The following HEATR5B variants were observed in gnomAD, a reference collection of about 807,000 sequenced individuals.
The protein encoded by HEATR5B is HEAT repeat containing 5B, also known as HEAT repeat-containing protein 5B.
In HEATR5B, 156 loss-of-function variants were observed where a neutral mutation model predicts 224.1. The observed-to-expected ratio is 0.70, with a 90% CI of 0.61 to 0.80. The LOEUF (loss-of-function observed/expected upper bound fraction) is 0.80, where lower values mean the gene tolerates loss of function less well. Among genes scored for constraint, HEATR5B ranks in the 30% least tolerant of loss-of-function variants. The pLI is 0.00. For synonymous variants in HEATR5B, 1,027 were observed against 893.0 expected, an observed-to-expected ratio of 1.15 and a Z score of -2.68; for missense variants, 2,323 against 2,535.5, an observed-to-expected ratio of 0.92 and a Z score of 1.80.
At chr2:37,081,473 T>G (rs1360759255) in intron 2 of HEATR5B, among the ~76,000 whole-genome samples, 1 of 152,162 alleles carries the variant, frequency 6.6e-6, no homozygotes, top group Non-Finnish European at 1.5e-5. Context: ...AACACAGTAT[T>G]TGGAAACCAA....
intron 33 of HEATR5B, among the ~76,000 whole-genome samples, chr2:36,993,293 T>A (rs763856874): frequency 1.7e-4 from 26 of 151,752 alleles, no homozygotes; most frequent in Admixed American, 5.9e-4. Flanking sequence ...TCCCAACACT[T>A]TGGGAGGCCG....
chr2:36,999,074 G>A (rs552238201), intron 33 of HEATR5B, among the ~76,000 whole-genome samples: 13 of 151,858 alleles, frequency 8.6e-5, no homozygotes, highest in East Asian at 2.0e-4. Context: ...TTAGCTGGGC[G>A]TGGTGGTGCG....
At chr2:37,053,680 G>T in intron 16 of HEATR5B, 73 bp from the exon 17 acceptor site, 1 of 807,226 alleles carries the variant, frequency 1.2e-6, no homozygotes, top group East Asian at 2.7e-5. Context: ...CGGATAAGAA[G>T]AGTACAAGTT....
In HEATR5B at chr2:37,083,777, C is replaced by T. The variant is rs145025115; in HGVS notation, c.-22-341G>A. On this transcript the variant is annotated intron_variant, in intron 1 of 35. Coordinates refer to ENST00000233099, the MANE Select transcript of HEATR5B (RefSeq NM_019024.3). The stretch of plus-strand genomic sequence containing the variant: ...AAACTGAAGCACTAAGATCAAACAC[C>T]CCAGCCGGGCTTGACAACCATCCTC... 3.2e-4 allele frequency among the ~76,000 whole-genome samples: 48 copies of T among 152,320 alleles called. 1 individual carries two copies. The highest frequency in any genetic ancestry group is 9.8e-4 in the Admixed American group (15 of 15,302).
chr2:37,035,708 T>G (rs1362253982), intron 21 of HEATR5B, among the ~76,000 whole-genome samples: 1 of 152,182 alleles, frequency 6.6e-6, no homozygotes, highest in Non-Finnish European at 1.5e-5. Context: ...AATTTTCAAG[T>G]TGGGTTCCTC....
At chr2:37,041,375 G>C (rs1669860358) in intron 18 of HEATR5B, 83 bp from the exon 19 acceptor site, 1 of 1,240,576 alleles carries the variant, frequency 8.1e-7, no homozygotes, top group Admixed American at 1.9e-5. Flanking sequence ...CAAAAACTGG[G>C]ATTTATTGGG....
intron 30 of HEATR5B, 142 bp downstream of exon 30, chr2:37,005,490 G>A: frequency 1.3e-6 from 1 of 748,604 alleles, no homozygotes; most frequent in Non-Finnish European, 2.2e-6. Flanking sequence ...AAAGTAACTG[G>A]GTGAATAAAT....
intron 27 of HEATR5B, 72 bp downstream of exon 27, chr2:37,013,769 C>G: frequency 7.5e-7 from 1 of 1,341,086 alleles, no homozygotes; most frequent in East Asian, 2.5e-5. Context: ...TTTTTACCAA[C>G]AAGAGTAGAG....
In HEATR5B at chr2:37,068,895, C is replaced by T. The variant is rs764854798; in HGVS notation, c.963G>A (p.Gln321=). 3 of 1,614,138 alleles carry T rather than the reference C, an allele frequency of 1.9e-6. No individual in the cohort carries two copies. Among genetic ancestry groups the T allele is most frequent in the South Asian group, 1.1e-5 (1 of 91,088 alleles). ...ACGTGGCAAAGCTGCGCTCCAACCA[C>T]TGACCACCCAATGTTGTCACAAAAA... ...YVVFVTTLGG[Q]WLERSFATFL... is the part of the protein sequence containing the mutation. The change falls in exon 8 of 36, where the codon CAG becomes CAA. Residue 321 remains glutamine (Q), a synonymous_variant. Transcript: ENST00000233099.
intron 22 of HEATR5B, among the ~76,000 whole-genome samples, chr2:37,029,905 C>T (rs868126640): frequency 6.6e-6 from 1 of 150,826 alleles, no homozygotes; most frequent in African/African-American, 2.4e-5. Context: ...TGCCACTACA[C>T]TCCAGCTGGG....
intron 9 of HEATR5B, 68 bp from the exon 10 acceptor site, chr2:37,065,058 T>C (rs979327823): frequency 6.8e-7 from 1 of 1,470,148 alleles, no homozygotes; most frequent in Non-Finnish European, 9.3e-7. Context: ...TCAAATACTA[T>C]CTAAAAAACA....
chr2:37,083,942 G>C (rs1672800552), intron 1 of HEATR5B, among the ~76,000 whole-genome samples: 1 of 152,188 alleles, frequency 6.6e-6, no homozygotes, highest in Non-Finnish European at 1.5e-5. Context: ...CGGATGGGTG[G>C]GGCGGCCAGG....
At chr2:37,064,473 T>C (rs1208779636) in intron 10 of HEATR5B, among the ~76,000 whole-genome samples, 1 of 151,892 alleles carries the variant, frequency 6.6e-6, no homozygotes, top group Non-Finnish European at 1.5e-5. Flanking sequence ...GGGGTCTCAC[T>C]ATGTTGCCTA....
intron 28 of HEATR5B, among the ~76,000 whole-genome samples, chr2:37,007,613 G>A (rs1667514071): frequency 6.6e-6 from 1 of 152,076 alleles, no homozygotes; most frequent in Non-Finnish European, 1.5e-5. Context: ...GGGATTACAG[G>A]CATGTGCCAC....
intron 33 of HEATR5B, among the ~76,000 whole-genome samples, chr2:36,994,403 T>G (rs991857831): frequency 1.3e-5 from 2 of 152,240 alleles, no homozygotes; most frequent in African/African-American, 2.4e-5. Flanking sequence ...CATATCCTTT[T>G]TAAAGTGAAA....
chr2:37,043,172 T>C (rs935397493), intron 18 of HEATR5B, among the ~76,000 whole-genome samples: 2 of 152,192 alleles, frequency 1.3e-5, no homozygotes, highest in African/African-American at 2.4e-5. Flanking sequence ...GAGCTTTCAA[T>C]GGTAATTTTA....
At chr2:36,989,634 TG>T (rs1478062749) in intron 34 of HEATR5B, among the ~76,000 whole-genome samples, 1 of 152,156 alleles carries the variant, frequency 6.6e-6, no homozygotes, top group Non-Finnish European at 1.5e-5. Flanking sequence ...AAAGTCTTAC[TG>T]GCTCCACTTT....
intron 27 of HEATR5B, 70 bp from the exon 28 acceptor site, chr2:37,008,918 T>C (rs1667606143): frequency 2.0e-6 from 2 of 989,996 alleles, no homozygotes; most frequent in East Asian, 4.8e-5. Context: ...TACGTTATTA[T>C]AAAAATACAG....
At chr2:37,083,232 C>T (rs1672728188) in intron 2 of HEATR5B, 57 bp downstream of exon 2, 1 of 1,594,896 alleles carries the variant, frequency 6.3e-7, no homozygotes, top group Admixed American at 1.7e-5. Flanking sequence ...TCTTAAGAAT[C>T]ATGACCACAT....
Sources: gnomAD v4.1 joint callset for allele counts (sites outside exome capture counted in the v4.1 genomes callset) on GRCh38, gnomAD v4.1.1 for gene constraint, MANE v1.5 for transcripts, NCBI Gene and HGNC (gene_info 2026-07-23, HGNC 2026-07-21) for gene names.